Variants in ELP4 observed in about 807,000 individuals in gnomAD.
The protein encoded by ELP4 is elongator acetyltransferase complex subunit 4.
Under a neutral mutation model 48.9 loss-of-function variants are expected in ELP4, and 51 were observed. That is an observed-to-expected ratio of 1.04 (90% CI 0.83 to 1.32). ELP4 has a LOEUF of 1.32. Among genes scored for constraint, ELP4 ranks in the 40% most tolerant of loss-of-function variants. The pLI, the probability that ELP4 is intolerant of heterozygous loss-of-function variation, is 0.00. For synonymous variants in ELP4, 210 were observed against 189.2 expected (o/e 1.11, Z -0.90); for missense variants, 519 against 514.6 (o/e 1.01, Z -0.08).
At chr11:31,609,911 G>A (rs1565077990) in intron 5 of ELP4, among the ~76,000 whole-genome samples, 1 of 151,980 alleles carries the variant, frequency 6.6e-6, no homozygotes, top group African/African-American at 2.4e-5. Context: ...GCCAGGTGTG[G>A]TGGCACATGC....
At chr11:31,765,849 TGTA>T (rs1948029856) in intron 9 of ELP4, among the ~76,000 whole-genome samples, 1 of 152,102 alleles carries the variant, frequency 6.6e-6, no homozygotes, top group Admixed American at 6.5e-5. Flanking sequence ...AGAAATAACA[TGTA>T]GTGGGCTTTT....
chr11:31,630,117 T>C (rs1944829516), intron 6 of ELP4, among the ~76,000 whole-genome samples: 1 of 151,862 alleles, frequency 6.6e-6, no homozygotes, highest in Admixed American at 6.6e-5. Flanking sequence ...TTGTCTATCA[T>C]AACTTTAACA....
chr11:31,717,421 G>T (rs888384495), intron 9 of ELP4, among the ~76,000 whole-genome samples: 2 of 151,810 alleles, frequency 1.3e-5, no homozygotes, highest in African/African-American at 4.8e-5. Context: ...GGCTATTCTT[G>T]TTATTCAATG....
chr11:31,722,059 T>G (rs191244451), intron 9 of ELP4, among the ~76,000 whole-genome samples: 12 of 152,298 alleles, frequency 7.9e-5, no homozygotes, highest in Non-Finnish European at 1.3e-4. Context: ...ATTGATATTT[T>G]GGGTGAAAAA....
intron 9 of ELP4, among the ~76,000 whole-genome samples, chr11:31,662,241 G>A (rs936741342): frequency 6.6e-6 from 1 of 152,090 alleles, no homozygotes; most frequent in Non-Finnish European, 1.5e-5. Flanking sequence ...TTGGAAATGT[G>A]ATGTAGTCTT....
intron 3 of ELP4, among the ~76,000 whole-genome samples, chr11:31,549,138 G>T (rs1956790402): frequency 6.6e-6 from 1 of 151,540 alleles, no homozygotes; most frequent in South Asian, 2.1e-4. Flanking sequence ...TGACAAATGG[G>T]ATCTAATTAA....
chr11:31,516,280 T>G (rs1413997595), intron 1 of ELP4, among the ~76,000 whole-genome samples: 3 of 152,228 alleles, frequency 2.0e-5, no homozygotes, highest in Non-Finnish European at 4.4e-5. Flanking sequence ...TGCTCTAGCT[T>G]AGACACCATA....
intron 9 of ELP4, among the ~76,000 whole-genome samples, chr11:31,693,729 G>T (rs912812995): frequency 1.2e-4 from 19 of 152,096 alleles, no homozygotes; most frequent in Non-Finnish European, 2.1e-4. Flanking sequence ...TCCTTGAGGA[G>T]TTGCCACACT....
chr11:31,761,091 G>T (rs967584561), intron 9 of ELP4, among the ~76,000 whole-genome samples: 1 of 152,100 alleles, frequency 6.6e-6, no homozygotes, highest in Non-Finnish European at 1.5e-5. Flanking sequence ...GGCTGTTCGC[G>T]GTGGCTCACG....
intron 9 of ELP4, among the ~76,000 whole-genome samples, chr11:31,685,694 A>G (rs1946145392): frequency 6.6e-6 from 1 of 152,154 alleles, no homozygotes; most frequent in Admixed American, 6.5e-5. Context: ...GCACTTTGGG[A>G]GGCCAGGCGC....
At chr11:31,719,557 C>A in intron 9 of ELP4, 1 of 398,036 alleles carries the variant, frequency 2.5e-6, no homozygotes, top group Non-Finnish European at 4.4e-6. Flanking sequence ...ATCAGCAGAT[C>A]TGAAAGCCAC....
At chr11:31,586,767 C>G (rs1187084592) in intron 3 of ELP4, among the ~76,000 whole-genome samples, 1 of 151,852 alleles carries the variant, frequency 6.6e-6, no homozygotes, top group Non-Finnish European at 1.5e-5. Flanking sequence ...CTCAGCCTCC[C>G]GAGTAGCTGG....
chr11:31,545,660 G>A (rs1463577728), intron 3 of ELP4, among the ~76,000 whole-genome samples: 1 of 152,062 alleles, frequency 6.6e-6, no homozygotes, highest in Non-Finnish European at 1.5e-5. Context: ...CTCGAGAGGA[G>A]CAACTGCAAG....
intron 3 of ELP4, among the ~76,000 whole-genome samples, chr11:31,564,163 A>G (rs567607229): frequency 2.6e-5 from 4 of 152,292 alleles, no homozygotes; most frequent in African/African-American, 9.6e-5. Flanking sequence ...CAAATATAAT[A>G]ATGTATTGAA....
At chr11:31,679,118 T>C (rs1946002202) in intron 9 of ELP4, among the ~76,000 whole-genome samples, 1 of 152,234 alleles carries the variant, frequency 6.6e-6, no homozygotes, top group African/African-American at 2.4e-5. Context: ...AAGTTGGTTT[T>C]TCTGTTATTG....
intron 2 of ELP4, among the ~76,000 whole-genome samples, chr11:31,527,075 G>T (rs967709224): frequency 6.6e-6 from 1 of 151,974 alleles, no homozygotes; most frequent in African/African-American, 2.4e-5. Flanking sequence ...GAGGATACTT[G>T]TCAGCCCTCT....
intron 9 of ELP4, among the ~76,000 whole-genome samples, chr11:31,735,153 C>A (rs1341074527): frequency 6.1e-5 from 8 of 130,082 alleles, no homozygotes; most frequent in African/African-American, 6.3e-5. Context: ...ACTGGATATC[C>A]ATTGGCAAAA....
At chr11:31,682,950 G>A (rs1438219866) in intron 9 of ELP4, among the ~76,000 whole-genome samples, 1 of 152,066 alleles carries the variant, frequency 6.6e-6, no homozygotes, top group Non-Finnish European at 1.5e-5. Context: ...AGGTCAGAAA[G>A]TCTATATTCT....
At chr11:31,582,417 T>G (rs967968640) in intron 3 of ELP4, among the ~76,000 whole-genome samples, 5 of 152,206 alleles carry the variant, frequency 3.3e-5, no homozygotes, top group African/African-American at 1.2e-4. Flanking sequence ...TTCGCAAATC[T>G]GCTATTACAT....
Sources: allele counts gnomAD v4.1 joint callset (sites outside exome capture counted in the v4.1 genomes callset), GRCh38; gene constraint gnomAD v4.1.1; transcripts MANE v1.5; gene names NCBI Gene and HGNC (gene_info 2026-07-23, HGNC 2026-07-21).